PLEKHD1: variants seen among roughly 807,000 people sequenced by gnomAD.
PLEKHD1 encodes the protein pleckstrin homology domain-containing family D member 1.
Under a neutral mutation model 69.2 loss-of-function variants are expected in PLEKHD1, and 51 were observed. The observed-to-expected ratio is 0.74, with a 90% confidence interval of 0.59 to 0.93. PLEKHD1 has a LOEUF of 0.93. Among genes scored for constraint, PLEKHD1 ranks in the 40% least tolerant of loss-of-function variants. The pLI is 0.00. For synonymous variants in PLEKHD1, 236 were observed against 244.7 expected (o/e 0.96, Z 0.33); for missense variants, 584 against 641.0 (o/e 0.91, Z 0.96).
intron 1 of PLEKHD1, among the ~76,000 whole-genome samples, chr14:69,494,240 A>ATTT (rs1256291829): frequency 6.6e-6 from 1 of 152,190 alleles, no homozygotes; most frequent in Non-Finnish European, 1.5e-5. Flanking sequence ...TATTATTATT[A>ATTT]TTATCCTCAA....
At position 69,500,856 on chromosome 14, in the gene PLEKHD1, T is replaced by C. The variant is rs1156505087; in HGVS notation, c.334-15T>C. 6.4e-7 allele frequency: 1 copy of C among 1,551,548 alleles called. No individual in the cohort carries two copies. ...GCTGCCTCTCAGGCATGCGCATGGC[T>C]CCTCTTCCTGGCAGGGGAACATCTT... On this transcript the variant is annotated splice_polypyrimidine_tract_variant and intron_variant, in intron 3 of 12. Transcript: ENST00000322564.
In PLEKHD1 at chr14:69,500,918, G is replaced by T. The variant is rs1179315520; in HGVS notation, c.381G>T (p.Trp127Cys). Residue 127 changes from tryptophan (W) to cysteine (C), a missense_variant, in exon 4 of 13, where the codon TGG becomes TGT. Trp to Cys is a radical substitution (Grantham distance 215, BLOSUM62 -2). Coordinates refer to ENST00000322564, the MANE Select transcript of PLEKHD1 (RefSeq NM_001161498.2). Reference protein sequence around the residue: ...AAESEFEQTQWLEMLQESGKV... With the variant: ...AAESEFEQTQCLEMLQESGKV... ...AGTCGGAGTTTGAGCAGACCCAGTG[G>T]CTGGAGATGCTGCAGGAGTCTGGGA... 4.5e-6 allele frequency: 7 copies of T among 1,551,524 alleles called. No homozygotes were observed. The highest frequency in any genetic ancestry group is 6.1e-6 in the Non-Finnish European group (7 of 1,147,010).
chr14:69,472,497 C>T, the PLEKHD1 span, among the ~76,000 whole-genome samples: 19,031 of 152,192 alleles, frequency 0.13, 1,315 homozygotes, highest in East Asian at 0.18. Flanking sequence ...CGTTAATCAC[C>T]GTGTCATGTG....
chr14:69,476,195 T>C, the PLEKHD1 span, among the ~76,000 whole-genome samples: 1 of 145,804 alleles, frequency 6.9e-6, no homozygotes, highest in African/African-American at 2.6e-5. Flanking sequence ...GAGGTGGAAG[T>C]TGCAGTGAGC....
At chr14:69,498,650 T>A (rs1261797720) in intron 1 of PLEKHD1, among the ~76,000 whole-genome samples, 5 of 139,936 alleles carry the variant, frequency 3.6e-5, no homozygotes, top group African/African-American at 1.3e-4. Flanking sequence ...TCTCTTCTCT[T>A]CTCTTCTCTT....
intron 6 of PLEKHD1, among the ~76,000 whole-genome samples, chr14:69,513,516 G>A (rs532052719): frequency 6.6e-6 from 1 of 152,318 alleles, no homozygotes; most frequent in African/African-American, 2.4e-5. Flanking sequence ...AAGTGTGGCC[G>A]CTGGGATTGG....
At chr14:69,502,930 T>A in intron 6 of PLEKHD1, 51 bp downstream of exon 6, 1 of 1,542,604 alleles carries the variant, frequency 6.5e-7, no homozygotes, top group South Asian at 1.2e-5. Context: ...TGGCTCACGT[T>A]TCTAGCACTA....
At chr14:69,490,661 C>G (rs564169805) in intron 1 of PLEKHD1, among the ~76,000 whole-genome samples, 57 of 152,150 alleles carry the variant, frequency 3.7e-4, no homozygotes, top group Non-Finnish European at 7.1e-4. Flanking sequence ...GATAGAATTC[C>G]TGCTGTTCTG....
chr14:69,488,740 G>GA (rs1038219675), intron 1 of PLEKHD1, among the ~76,000 whole-genome samples: 7 of 151,806 alleles, frequency 4.6e-5, no homozygotes, highest in African/African-American at 7.3e-5. Context: ...TCTGCCTCCA[G>GA]AAAAAAAAGT....
chr14:69,515,107 A>G (rs1376824445), intron 6 of PLEKHD1, among the ~76,000 whole-genome samples: 2 of 152,218 alleles, frequency 1.3e-5, no homozygotes, highest in Non-Finnish European at 2.9e-5. Context: ...CTGAGGCAGG[A>G]GAATCACTTG....
intron 12 of PLEKHD1, 67 bp downstream of exon 12, chr14:69,527,999 C>A (rs1169619088): frequency 6.5e-7 from 1 of 1,545,414 alleles, no homozygotes. Context: ...ACATGGGGAG[C>A]CAGAAGGGTT....
upstream of PLEKHD1, among the ~76,000 whole-genome samples, chr14:69,482,435 G>A (rs1057058966): frequency 6.6e-6 from 1 of 152,202 alleles, no homozygotes; most frequent in African/African-American, 2.4e-5. Context: ...AGGGAGCCAG[G>A]CCTGAGGCAA....
At chr14:69,483,941 G>C (rs1239638690), upstream of PLEKHD1, among the ~76,000 whole-genome samples, 1 of 152,252 alleles carries the variant, frequency 6.6e-6, no homozygotes, top group Non-Finnish European at 1.5e-5. Flanking sequence ...GAGCGGAAGC[G>C]GATGGAACAG....
chr14:69,513,947 C>A (rs1256403811), intron 6 of PLEKHD1, among the ~76,000 whole-genome samples: 2 of 152,140 alleles, frequency 1.3e-5, no homozygotes, highest in African/African-American at 4.8e-5. Context: ...TTCTGAGAAG[C>A]CAGATGTAAT....
chr14:69,485,030 C>T lies in PLEKHD1; in HGVS notation c.65C>T (p.Ala22Val). ...SPSLEQADSDALDISTKVQLY... is the reference protein window; with the variant it reads ...SPSLEQADSDVLDISTKVQLY... ...TCCCTGGAGCAGGCTGACTCGGACGCCCTGGATATCAGCACCAAAGTGCAG... is the reference window on the plus strand; with the variant it reads ...TCCCTGGAGCAGGCTGACTCGGACGTCCTGGATATCAGCACCAAAGTGCAG... Residue 22 changes from alanine (A) to valine (V), a missense_variant, in exon 1 of 13, where the codon GCC becomes GTC. Transcript: ENST00000322564. 6.4e-7 allele frequency: 1 copy of T among 1,551,394 alleles called. No individual in the cohort carries two copies.
At chr14:69,515,238 T>C (rs755245724) in intron 6 of PLEKHD1, among the ~76,000 whole-genome samples, 15 of 152,104 alleles carry the variant, frequency 9.9e-5, no homozygotes, top group Non-Finnish European at 1.6e-4. Flanking sequence ...CAGAATGCTG[T>C]GTTGCATTTC....
chr14:69,469,274 C>G, the PLEKHD1 span, among the ~76,000 whole-genome samples: 2 of 152,210 alleles, frequency 1.3e-5, no homozygotes, highest in Non-Finnish European at 2.9e-5. Flanking sequence ...TTATTTTTGG[C>G]AGCTACTCTC....
the PLEKHD1 span, among the ~76,000 whole-genome samples, chr14:69,476,166 G>T: frequency 6.7e-6 from 1 of 148,906 alleles, no homozygotes; most frequent in Non-Finnish European, 1.5e-5. Flanking sequence ...GCTGAGGCAT[G>T]AGAATCCCCT....
At chr14:69,516,177 T>C (rs1203036929) in intron 6 of PLEKHD1, among the ~76,000 whole-genome samples, 1 of 152,232 alleles carries the variant, frequency 6.6e-6, no homozygotes, top group Non-Finnish European at 1.5e-5. Context: ...ATTCCTTACA[T>C]GCTGAACTGG....
Sources: gnomAD v4.1 joint callset for allele counts (sites outside exome capture counted in the v4.1 genomes callset) on GRCh38, gnomAD v4.1.1 for gene constraint, MANE v1.5 for transcripts, NCBI Gene and HGNC (gene_info 2026-07-23, HGNC 2026-07-21) for gene names.